The following DGKI variants were observed in gnomAD, a reference collection of about 807,000 sequenced individuals.
DGKI encodes the protein diacylglycerol kinase iota.
In DGKI, 55 loss-of-function variants were observed where a neutral mutation model predicts 147.5. The observed-to-expected ratio is 0.37, with a 90% CI of 0.30 to 0.47. DGKI has a LOEUF of 0.47. DGKI is among the 20% of genes least tolerant of loss of function. The probability of loss-of-function intolerance (pLI) is 1.00; values close to 1 mark genes in which losing one functional copy is unlikely to be tolerated. For synonymous variants in DGKI, 469 were observed against 477.1 expected, an observed-to-expected ratio of 0.98 and a Z score of 0.22; for missense variants, 1,007 against 1,323.8, an observed-to-expected ratio of 0.76 and a Z score of 3.71.
At chr7:137,491,744 T>C (rs1585166380) in intron 21 of DGKI, among the ~76,000 whole-genome samples, 1 of 152,198 alleles carries the variant, frequency 6.6e-6, no homozygotes, top group South Asian at 2.1e-4. Flanking sequence ...TGCTTATGTA[T>C]ACAGATACTA....
At chr7:137,613,289 A>G (rs1006692635) in intron 8 of DGKI, among the ~76,000 whole-genome samples, 1 of 152,112 alleles carries the variant, frequency 6.6e-6, no homozygotes, top group African/African-American at 2.4e-5. Flanking sequence ...TAATGGACTT[A>G]GTCTATTAAA....
chr7:137,790,257 C>T lies in DGKI; in HGVS notation c.401+56205G>A, dbSNP rs1796810976. Among the ~76,000 whole-genome samples, 3 of 151,950 alleles carry T rather than the reference C, an allele frequency of 2.0e-5. No individual in the cohort carries two copies. In the South Asian group the frequency reaches 6.2e-4, roughly 32 times the overall value. ...ACACACACACACACACACACACACACACACACACACACACTGGAACCACTC... is the reference window on the plus strand; with the variant it reads ...ACACACACACACACACACACACACATACACACACACACACTGGAACCACTC... On this transcript the variant is annotated intron_variant, in intron 1 of 32. Coordinates refer to ENST00000614521, the MANE Select transcript of DGKI (RefSeq NM_001321708.2).
In DGKI at chr7:137,457,531, A is replaced by C. The variant is rs548666780; in HGVS notation, c.2735+5958T>G. On this transcript the variant is annotated intron_variant, in intron 27 of 32. Coordinates refer to ENST00000614521, the MANE Select transcript of DGKI (RefSeq NM_001321708.2). ...TTGTTTCTCCCATAATCAGCTTAGA[A>C]CATCTGAGTTTTCAGAACACAGGAG... 2.0e-5 allele frequency among the ~76,000 whole-genome samples: 3 copies of C among 152,310 alleles called. No homozygotes were observed. The South Asian group carries it at 6.2e-4, about 32-fold the overall frequency.
At chr7:137,577,381 G>A (rs1001058635) in intron 16 of DGKI, 97 bp from the exon 17 acceptor site, 8 of 848,770 alleles carry the variant, frequency 9.4e-6, no homozygotes, top group Non-Finnish European at 1.5e-5. Flanking sequence ...TCCAAAGTAT[G>A]CAAAAATTCT....
chr7:137,415,315 A>G (rs889016306), intron 28 of DGKI, among the ~76,000 whole-genome samples: 15 of 152,250 alleles, frequency 9.9e-5, no homozygotes, highest in Non-Finnish European at 1.8e-4. Flanking sequence ...TTTTAAAAAT[A>G]CAGTATAACA....
chr7:137,659,779 A>T (rs1182513640), intron 3 of DGKI, among the ~76,000 whole-genome samples: 1 of 152,128 alleles, frequency 6.6e-6, no homozygotes, highest in Non-Finnish European at 1.5e-5. Context: ...AAAAATACAA[A>T]AAAATTAGCC....
chr7:137,655,136 A>C (rs554812076), intron 4 of DGKI, among the ~76,000 whole-genome samples: 2 of 152,318 alleles, frequency 1.3e-5, no homozygotes, highest in African/African-American at 4.8e-5. Context: ...TGATTGTAAA[A>C]GTAGAAAATA....
rs1811141941 is a variant in DGKI at position 137,384,950 on chromosome 7, T to G, written c.*6270A>C. 1 of 152,130 alleles carries G rather than the reference T, an allele frequency of 6.6e-6. No individual in the cohort carries two copies. 9.4% of individuals were successfully genotyped at this position (152,130 alleles called of 1,614,324 possible). On this transcript the variant is annotated 3_prime_UTR_variant, in exon 33 of 33. Transcript: ENST00000614521. ...AGGACCTCCCTTGTGGTTGCCACGC[T>G]GGTGGCAGAAGCCAAAGAGTTTTCC...
intron 1 of DGKI, among the ~76,000 whole-genome samples, chr7:137,808,482 G>C (rs951677439): frequency 2.0e-5 from 3 of 152,178 alleles, no homozygotes; most frequent in Non-Finnish European, 4.4e-5. Context: ...GCCTCATAAA[G>C]TGTGCTTCTC....
At chr7:137,532,621 G>C (rs1236137555) in intron 20 of DGKI, among the ~76,000 whole-genome samples, 2 of 152,106 alleles carry the variant, frequency 1.3e-5, no homozygotes, top group African/African-American at 4.8e-5. Flanking sequence ...GGGAACTTCA[G>C]CTCCTATTAG....
chr7:137,603,264 G>A lies in DGKI; in HGVS notation c.1168-3359C>T, dbSNP rs150810714. Among the ~76,000 whole-genome samples the A allele has an allele frequency of 1.0e-3, 158 of 152,218 alleles. 1 individual carries two copies. The highest frequency in any genetic ancestry group is 3.2e-3 in the African/African-American group (133 of 41,538). ...GTGGAGAAGCAATCAAGAACGGGTC[G>A]GTTCAAATAGCTCATCAATCTTCAT... is the stretch of plus-strand genomic sequence containing the variant. On this transcript the variant is annotated intron_variant, in intron 10 of 32. Transcript: ENST00000614521.
chr7:137,683,914 G>A lies in DGKI; in HGVS notation c.511-5262C>T, dbSNP rs146998685. The stretch of plus-strand genomic sequence containing the variant: ...CATGTTTTCTTGCTCAAGTGCTACC[G>A]AAATTCTAGTAATGGTTACAGGCAA... On this transcript the variant is annotated intron_variant, in intron 2 of 32. Coordinates refer to ENST00000614521, the MANE Select transcript of DGKI (RefSeq NM_001321708.2). Among the ~76,000 whole-genome samples the A allele has an allele frequency of 4.5e-4, 69 of 152,252 alleles. No homozygotes were observed. The East Asian group carries it at 0.013, about 28-fold the overall frequency.
At chr7:137,752,531 G>A (rs533044265) in intron 1 of DGKI, among the ~76,000 whole-genome samples, 16 of 152,150 alleles carry the variant, frequency 1.1e-4, no homozygotes, top group Non-Finnish European at 2.4e-4. Context: ...ATAGCCCAGC[G>A]CCGCACCTTG....
Position 137,646,262 on chromosome 7 carries a change from G to A in DGKI, c.739-725C>T, listed in dbSNP as rs550972335. Among the ~76,000 whole-genome samples, 145 of 152,266 alleles carry A rather than the reference G, an allele frequency of 9.5e-4. 1 individual carries two copies. Among genetic ancestry groups the A allele is most frequent in the Admixed American group, 8.2e-3 (126 of 15,292 alleles). On this transcript the variant is annotated intron_variant, in intron 5 of 32. Coordinates refer to ENST00000614521, the MANE Select transcript of DGKI (RefSeq NM_001321708.2). ...AGATCTCCTAATACAAGACATAGACGTGAGAATTATTCACTAGATAGAGTG... is the reference window on the plus strand; with the variant it reads ...AGATCTCCTAATACAAGACATAGACATGAGAATTATTCACTAGATAGAGTG...
At chr7:137,825,168 C>A (rs1278736069) in intron 1 of DGKI, among the ~76,000 whole-genome samples, 1 of 152,132 alleles carries the variant, frequency 6.6e-6, no homozygotes, top group Admixed American at 6.6e-5. Context: ...ATGAGCTATG[C>A]CTTAAGTCTT....
chr7:137,817,277 T>C (rs1797767607), intron 1 of DGKI, among the ~76,000 whole-genome samples: 1 of 152,220 alleles, frequency 6.6e-6, no homozygotes, highest in Admixed American at 6.5e-5. Flanking sequence ...TCTCATTGTC[T>C]AATTCATTTG....
intron 21 of DGKI, among the ~76,000 whole-genome samples, chr7:137,499,235 G>A (rs1383591985): frequency 6.6e-6 from 1 of 152,188 alleles, no homozygotes; most frequent in East Asian, 1.9e-4. Flanking sequence ...GTAGAACAGT[G>A]AGGGGTGGTA....
chr7:137,512,326 T>C (rs747049602), intron 21 of DGKI, among the ~76,000 whole-genome samples: 3 of 152,196 alleles, frequency 2.0e-5, no homozygotes, highest in African/African-American at 4.8e-5. Flanking sequence ...TGAAGCCCTA[T>C]GCAATGATTG....
rs563405091 is a variant in DGKI at position 137,455,841 on chromosome 7, T to G, written c.2735+7648A>C. Among the ~76,000 whole-genome samples, 93 of 152,148 alleles carry G rather than the reference T, an allele frequency of 6.1e-4. 1 individual carries two copies. The highest frequency in any genetic ancestry group is 2.2e-3 in the African/African-American group (90 of 41,504). On this transcript the variant is annotated intron_variant, in intron 27 of 32. Coordinates refer to ENST00000614521, the MANE Select transcript of DGKI (RefSeq NM_001321708.2). ...TGATAATATGACATCCCTCTCACATTCCTCAACTCCACACTGAACATGGTA... is the reference window on the plus strand; with the variant it reads ...TGATAATATGACATCCCTCTCACATGCCTCAACTCCACACTGAACATGGTA...
Sources: gnomAD v4.1 joint callset for allele counts (sites outside exome capture counted in the v4.1 genomes callset) on GRCh38, gnomAD v4.1.1 for gene constraint, MANE v1.5 for transcripts, NCBI Gene and HGNC (gene_info 2026-07-23, HGNC 2026-07-21) for gene names.